MAP3K4: variants seen among roughly 807,000 people sequenced by gnomAD.
The protein encoded by MAP3K4 is MAP three kinase 1.
A neutral mutation model predicts 185.6 loss-of-function variants in MAP3K4; 67 were observed. The ratio of observed to expected loss-of-function variants is 0.36; its 90% CI spans 0.30 to 0.44. The LOEUF (loss-of-function observed/expected upper bound fraction) is 0.44, where lower values mean the gene tolerates loss of function less well. Ranked by LOEUF, MAP3K4 falls within the 20% of genes least tolerant of loss-of-function variation. The pLI is 1.00. For synonymous variants in MAP3K4, 702 were observed against 710.4 expected (o/e 0.99, Z 0.19); for missense variants, 1,551 against 1,995.1 (o/e 0.78, Z 4.24).
At position 161,116,864 on chromosome 6, in the gene MAP3K4, A is replaced by G. The variant is rs1778608848; in HGVS notation, c.4821A>G (p.Glu1607=). 6.2e-7 allele frequency: 1 copy of G among 1,613,986 alleles called. No individual in the cohort carries two copies. The highest frequency in any genetic ancestry group is 1.7e-5 in the Admixed American group (1 of 60,012). The change falls in exon 27 of 27, where the codon GAA becomes GAG. Residue 1607 remains glutamate, a synonymous_variant. Coordinates refer to ENST00000392142, the MANE Select transcript of MAP3K4 (RefSeq NM_005922.4). The surrounding 1 kb of genome is among the most constrained non-coding windows in gnomAD (Gnocchi z 6.2). ...DHSFVKVCTD[E]E ...CTTCCTCACAGGTTTGCACAGATGA[A>G]GAATGAAGCCTAGTAGAATATGGAC...
rs1346022273 is a variant in MAP3K4 at position 161,088,691 on chromosome 6, C to T, written c.2824-631C>T. Among the ~76,000 whole-genome samples, 1 of 152,154 alleles carries T rather than the reference C, an allele frequency of 6.6e-6. No individual in the cohort carries two copies. The highest frequency in any genetic ancestry group is 1.9e-4 in the East Asian group (1 of 5,198). The stretch of plus-strand genomic sequence containing the variant: ...AGTAAATGATCCTTTCCCTGCATCC[C>T]CAGAGCAGCTGCTGTAGTCAGCACT... On this transcript the variant is annotated intron_variant, in intron 10 of 26. Transcript: ENST00000392142. This position sits in a 1 kb window ranked among gnomAD's most constrained non-coding sequence, Gnocchi z 4.5.
chr6:161,102,686 T>A lies in MAP3K4; in HGVS notation c.3776-13T>A. On this transcript the variant is annotated splice_polypyrimidine_tract_variant and intron_variant, in intron 18 of 26. Transcript: ENST00000392142. ...TCATAAATCTTAATTTGTATAAAAA[T>A]AACTTCCTGCAGAACCAGCATATCC... is the stretch of plus-strand genomic sequence containing the variant. 6.5e-7 allele frequency: 1 copy of A among 1,538,348 alleles called. No homozygotes were observed. The highest frequency in any genetic ancestry group is 2.3e-5 in the East Asian group (1 of 43,482).
chr6:161,016,907 A>G (rs912316681), intron 1 of MAP3K4, among the ~76,000 whole-genome samples: 2 of 152,176 alleles, frequency 1.3e-5, no homozygotes, highest in African/African-American at 2.4e-5. Flanking sequence ...AAAGTACTCA[A>G]TGCATGCAGT....
rs1481714247 is a variant in MAP3K4 at position 161,077,596 on chromosome 6, A to G, written c.2098-3285A>G. Among the ~76,000 whole-genome samples the G allele has an allele frequency of 1.3e-5, 2 of 152,196 alleles. No individual in the cohort carries two copies. The highest frequency in any genetic ancestry group is 4.8e-5 in the African/African-American group (2 of 41,448). ...GAGCAGATGTGAGAGGAACAGTTCAAGGCCATTCCAGGAATGCACATGCAA... is the reference window on the plus strand; with the variant it reads ...GAGCAGATGTGAGAGGAACAGTTCAGGGCCATTCCAGGAATGCACATGCAA... On this transcript the variant is annotated intron_variant, in intron 5 of 26. Coordinates refer to ENST00000392142, the MANE Select transcript of MAP3K4 (RefSeq NM_005922.4). The surrounding 1 kb of genome is among the most constrained non-coding windows in gnomAD (Gnocchi z 4.3).
At chr6:161,023,753 T>C (rs997100413) in intron 1 of MAP3K4, among the ~76,000 whole-genome samples, 11 of 152,242 alleles carry the variant, frequency 7.2e-5, no homozygotes, top group African/African-American at 2.7e-4. Flanking sequence ...TTTCAGCCTA[T>C]CATTTTGAAG....
intron 13 of MAP3K4, among the ~76,000 whole-genome samples, chr6:161,092,743 A>G (rs1334934010): frequency 6.6e-6 from 1 of 152,236 alleles, no homozygotes; most frequent in African/African-American, 2.4e-5. Flanking sequence ...GATGGCACCT[A>G]TCATGTCTAA....
intron 1 of MAP3K4, among the ~76,000 whole-genome samples, chr6:161,011,102 G>T (rs917754487): frequency 3.9e-5 from 6 of 152,198 alleles, no homozygotes; most frequent in African/African-American, 1.4e-4. Flanking sequence ...CAAAGAAAGA[G>T]AAGGTGGAGA....
chr6:161,098,268 C>T lies in MAP3K4; in HGVS notation c.3525-10C>T, dbSNP rs749610254. ...CACATGTGTTCCTGAAGCTTTTCTT[C>T]TTGTCTTAGCACTCGGAGCATGCCT... On this transcript the variant is annotated splice_polypyrimidine_tract_variant and intron_variant, in intron 16 of 26. Transcript: ENST00000392142. This position sits in a 1 kb window ranked among gnomAD's most constrained non-coding sequence, Gnocchi z 4.4. 1 of 1,608,872 alleles carries T rather than the reference C, an allele frequency of 6.2e-7. No individual in the cohort carries two copies. Among genetic ancestry groups the T allele is most frequent in the South Asian group, 1.1e-5 (1 of 90,618 alleles).
rs1413870552 is a variant in MAP3K4 at position 160,996,069 on chromosome 6, C to T, written c.152+3986C>T. Among the ~76,000 whole-genome samples the T allele has an allele frequency of 2.0e-5, 3 of 152,166 alleles. No individual in the cohort carries two copies. The highest frequency in any genetic ancestry group is 4.4e-5 in the Non-Finnish European group (3 of 68,032). On this transcript the variant is annotated intron_variant, in intron 1 of 26. Transcript: ENST00000392142. This position sits in a 1 kb window ranked among gnomAD's most constrained non-coding sequence, Gnocchi z 4.5. ...CGTCACTCCTAGGCAATTTGCTCTG[C>T]CTCTCGGCTTGAATGTCCACCTTGA...
chr6:161,004,674 A>G (rs930637656), intron 1 of MAP3K4, among the ~76,000 whole-genome samples: 3 of 152,236 alleles, frequency 2.0e-5, no homozygotes, highest in African/African-American at 7.2e-5. Context: ...GGTTACCAAG[A>G]AATAATAGAT....
Position 161,034,669 on chromosome 6 carries a change from T to C in MAP3K4, c.343+220T>C, listed in dbSNP as rs1783082245. ...CCTGAGTAATGGTTAAAGCCAGCAA[T>C]GCACGGGCATTTGAAGAAGTGAAAG... On this transcript the variant is annotated intron_variant, in intron 2 of 26. Coordinates refer to ENST00000392142, the MANE Select transcript of MAP3K4 (RefSeq NM_005922.4). The surrounding 1 kb of genome is among the most constrained non-coding windows in gnomAD (Gnocchi z 4.4). 6.6e-6 allele frequency among the ~76,000 whole-genome samples: 1 copy of C among 152,142 alleles called. No individual in the cohort carries two copies. The highest frequency in any genetic ancestry group is 2.1e-4 in the South Asian group (1 of 4,828).
chr6:161,077,302 A>G lies in MAP3K4; in HGVS notation c.2098-3579A>G, dbSNP rs1461942889. Among the ~76,000 whole-genome samples the G allele has an allele frequency of 6.6e-6, 1 of 150,574 alleles. No homozygotes were observed. The highest frequency in any genetic ancestry group is 1.5e-5 in the Non-Finnish European group (1 of 66,732). Reference sequence around the variant, plus strand: ...AATATCTACATGTACCCCGGAACTTAAAATAAAAATTAAAGAAAAATCAAC... The same window carrying G: ...AATATCTACATGTACCCCGGAACTTGAAATAAAAATTAAAGAAAAATCAAC... On this transcript the variant is annotated intron_variant, in intron 5 of 26. Transcript: ENST00000392142. This position sits in a 1 kb window ranked among gnomAD's most constrained non-coding sequence, Gnocchi z 4.3.
intron 3 of MAP3K4, among the ~76,000 whole-genome samples, 171 bp downstream of exon 3, chr6:161,050,150 T>A (rs1783936320): frequency 1.3e-5 from 2 of 152,184 alleles, no homozygotes; most frequent in South Asian, 4.1e-4. Flanking sequence ...AATAGATCTA[T>A]GAAAACTGCA....
chr6:161,080,778 G>C lies in MAP3K4; in HGVS notation c.2098-103G>C, dbSNP rs1019296828. On this transcript the variant is annotated intron_variant, in intron 5 of 26. Transcript: ENST00000392142. The surrounding 1 kb of genome is among the most constrained non-coding windows in gnomAD (Gnocchi z 4.8). ...GTGCTGCGTGCCTGTGACAGCCCCC[G>C]GCCCGCCCCCACTTTACCCTGCTGA... 39 of 1,005,484 alleles carry C rather than the reference G, an allele frequency of 3.9e-5. No homozygotes were observed. The highest frequency in any genetic ancestry group is 5.6e-5 in the Non-Finnish European group (37 of 662,350). 62.3% of individuals were successfully genotyped at this position (1,005,484 alleles called of 1,614,324 possible). A position where few individuals can be genotyped will look rare whatever the true frequency, so the allele number is the denominator to read the frequency against.
chr6:160,995,932 G>A (rs1190577845), intron 1 of MAP3K4, among the ~76,000 whole-genome samples: 1 of 152,078 alleles, frequency 6.6e-6, no homozygotes, highest in African/African-American at 2.4e-5. Context: ...ATGAGTACAT[G>A]CTGCATAAAT....
In MAP3K4 at chr6:161,077,300, TTAAAA is replaced by T. The variant is rs761485796; in HGVS notation, c.2098-3575_2098-3571del. ...AAAATATCTACATGTACCCCGGAAC[TTAAAA>T]TAAAAATTAAAGAAAAATCAACAAG... is the stretch of plus-strand genomic sequence containing the variant. On this transcript the variant is annotated intron_variant, in intron 5 of 26. Coordinates refer to ENST00000392142, the MANE Select transcript of MAP3K4 (RefSeq NM_005922.4). This position sits in a 1 kb window ranked among gnomAD's most constrained non-coding sequence, Gnocchi z 4.3. Among the ~76,000 whole-genome samples the T allele has an allele frequency of 2.6e-5, 4 of 152,220 alleles. No individual in the cohort carries two copies. The highest frequency in any genetic ancestry group is 4.8e-5 in the African/African-American group (2 of 41,544).
At chr6:161,111,782 C>T in intron 23 of MAP3K4, 54 bp from the exon 24 acceptor site, 2 of 1,585,338 alleles carry the variant, frequency 1.3e-6, no homozygotes, top group Non-Finnish European at 1.7e-6. Flanking sequence ...ACCATGTAAC[C>T]TTGCCCACAT....
At chr6:161,052,015 C>T (rs1208307714) in intron 3 of MAP3K4, among the ~76,000 whole-genome samples, 11 of 152,162 alleles carry the variant, frequency 7.2e-5, no homozygotes, top group Admixed American at 3.3e-4. Flanking sequence ...TCTTGATCTG[C>T]GGATGCATAT....
rs1778290700 is a variant in MAP3K4, at chr6:161,110,301, C to G, written c.4396+387C>G. 1.3e-5 allele frequency among the ~76,000 whole-genome samples: 2 copies of G among 152,104 alleles called. No homozygotes were observed. Among genetic ancestry groups the G allele is most frequent in the Non-Finnish European group, 2.9e-5 (2 of 68,026 alleles). On this transcript the variant is annotated intron_variant, in intron 23 of 26. Coordinates refer to ENST00000392142, the MANE Select transcript of MAP3K4 (RefSeq NM_005922.4). This position sits in a 1 kb window ranked among gnomAD's most constrained non-coding sequence, Gnocchi z 4.8. ...ATGAATATGTAAACCGACAGTAAAT[C>G]AGATCAGAAGTGCACATATAAATTT...
Sources: allele counts gnomAD v4.1 joint callset (sites outside exome capture counted in the v4.1 genomes callset), GRCh38; gene constraint gnomAD v4.1.1; non-coding constraint Gnocchi (gnomAD v3.1); transcripts MANE v1.5; gene names NCBI Gene and HGNC (gene_info 2026-07-23, HGNC 2026-07-21).